Variants in CCDC141 observed in about 807,000 individuals in gnomAD.
CCDC141 encodes coiled-coil domain containing 141, also known as coiled-coil domain-containing protein 141.
A neutral mutation model predicts 181.0 loss-of-function variants in CCDC141; 168 were observed. The ratio of observed to expected loss-of-function variants is 0.93; its 90% CI spans 0.82 to 1.05. CCDC141 has a LOEUF of 1.05. Among genes scored for constraint, CCDC141 ranks in the 50% least tolerant of loss-of-function variants. CCDC141 has a pLI of 0.00. For missense variants in CCDC141, 1,902 were observed against 1,788.5 expected, an observed-to-expected ratio of 1.06 and a Z score of -1.14; for synonymous variants, 666 against 642.3, an observed-to-expected ratio of 1.04 and a Z score of -0.56.
At chr2:178,827,795 T>C (rs781136692), downstream of CCDC141, among the ~76,000 whole-genome samples, 1 of 152,118 alleles carries the variant, frequency 6.6e-6, no homozygotes, top group Non-Finnish European at 1.5e-5. Context: ...AGGGCTGCCA[T>C]AACAAAGCAC....
At chr2:178,910,645 A>G (rs896851770) in intron 7 of CCDC141, among the ~76,000 whole-genome samples, 2 of 152,188 alleles carry the variant, frequency 1.3e-5, no homozygotes, top group African/African-American at 4.8e-5. Flanking sequence ...CATCTGCCCA[A>G]GCTTTCAAAT....
intron 2 of CCDC141, among the ~76,000 whole-genome samples, chr2:178,989,780 A>G (rs1383635084): frequency 2.0e-5 from 3 of 149,524 alleles, no homozygotes; most frequent in Non-Finnish European, 4.4e-5. Flanking sequence ...AATGCAAATC[A>G]AAAGTACAAT....
chr2:179,020,353 G>A (rs2042659893), intron 2 of CCDC141, among the ~76,000 whole-genome samples: 1 of 152,124 alleles, frequency 6.6e-6, no homozygotes, highest in African/African-American at 2.4e-5. Context: ...CCCACGCAGG[G>A]GAACTAAGGA....
chr2:178,894,892 G>C (rs1221475819), intron 8 of CCDC141, among the ~76,000 whole-genome samples: 3 of 152,136 alleles, frequency 2.0e-5, no homozygotes, highest in Non-Finnish European at 2.9e-5. Context: ...ATAATACTGA[G>C]ATTAAAAGGG....
intron 2 of CCDC141, among the ~76,000 whole-genome samples, chr2:178,986,099 C>T (rs1691719257): frequency 6.6e-6 from 1 of 152,200 alleles, no homozygotes; most frequent in African/African-American, 2.4e-5. Context: ...TCCAGCAGCA[C>T]ATCAAAAGCT....
At chr2:178,844,814 G>A (rs946737970) in intron 22 of CCDC141, among the ~76,000 whole-genome samples, 4 of 152,154 alleles carry the variant, frequency 2.6e-5, no homozygotes, top group Admixed American at 6.6e-5. Context: ...ATTTGAGCAC[G>A]GTTCAGAATA....
At position 178,859,017 on chromosome 2, in the gene CCDC141, G is replaced by A. The variant is rs150090009; in HGVS notation, c.2725-2620C>T. Among the ~76,000 whole-genome samples the A allele has an allele frequency of 5.8e-4, 88 of 152,278 alleles. 1 individual carries two copies. Among genetic ancestry groups the A allele is most frequent in the Admixed American group, 1.0e-3 (16 of 15,296 alleles). ...GATGAGTGTGATTTGATTTCTGTTT[G>A]CTTCAGAACGTGTGCACTTCCACTG... On this transcript the variant is annotated intron_variant, in intron 17 of 23. Transcript: ENST00000443758.
At chr2:179,032,152 G>A (rs1433485342) in intron 2 of CCDC141, among the ~76,000 whole-genome samples, 2 of 151,984 alleles carry the variant, frequency 1.3e-5, no homozygotes, top group African/African-American at 4.8e-5. Flanking sequence ...ATTAAAGCAG[G>A]GGCTTTAGGT....
intron 2 of CCDC141, among the ~76,000 whole-genome samples, chr2:179,019,848 C>T (rs2042644676): frequency 6.6e-6 from 1 of 152,000 alleles, no homozygotes; most frequent in African/African-American, 2.4e-5. Context: ...CTCACTGCAG[C>T]CTCAACCTCC....
intron 2 of CCDC141, among the ~76,000 whole-genome samples, chr2:179,013,212 A>G (rs1177180494): frequency 6.6e-6 from 1 of 152,124 alleles, no homozygotes; most frequent in Non-Finnish European, 1.5e-5. Flanking sequence ...TTTACCTTGA[A>G]AATCCTAGGG....
chr2:178,838,657 G>C (rs568986256), intron 22 of CCDC141, among the ~76,000 whole-genome samples: 2 of 152,314 alleles, frequency 1.3e-5, no homozygotes, highest in Admixed American at 1.3e-4. Context: ...TTGAGGAGAT[G>C]ATATCCTAGT....
chr2:178,922,000 G>A (rs1185945755), intron 6 of CCDC141, among the ~76,000 whole-genome samples: 1 of 152,142 alleles, frequency 6.6e-6, no homozygotes, highest in Admixed American at 6.5e-5. Flanking sequence ...TGTGCGATTA[G>A]GGGAGACTAC....
intron 17 of CCDC141, among the ~76,000 whole-genome samples, chr2:178,865,095 T>C (rs563104953): frequency 6.6e-6 from 1 of 152,230 alleles, no homozygotes; most frequent in Admixed American, 6.5e-5. Context: ...ATCTAGGTGT[T>C]GTGGATTTGT....
At chr2:178,999,386 G>A (rs556794436) in intron 2 of CCDC141, among the ~76,000 whole-genome samples, 10 of 151,954 alleles carry the variant, frequency 6.6e-5, no homozygotes, top group Middle Eastern at 3.4e-3. Context: ...CCTCAGTTTC[G>A]TCTTTCAACG....
At chr2:178,958,328 C>T (rs1690246054) in intron 5 of CCDC141, among the ~76,000 whole-genome samples, 1 of 151,940 alleles carries the variant, frequency 6.6e-6, no homozygotes, top group South Asian at 2.1e-4. Flanking sequence ...AATGATGTGT[C>T]ACTGTAGGTC....
chr2:179,044,720 A>C (rs2043429514), intron 2 of CCDC141, among the ~76,000 whole-genome samples: 1 of 152,202 alleles, frequency 6.6e-6, no homozygotes, highest in Non-Finnish European at 1.5e-5. Context: ...TGGCAGGTGC[A>C]TACAAAGGAG....
At chr2:178,892,168 G>T (rs1292718801) in intron 8 of CCDC141, among the ~76,000 whole-genome samples, 1 of 152,068 alleles carries the variant, frequency 6.6e-6, no homozygotes, top group Non-Finnish European at 1.5e-5. Flanking sequence ...TTCTTCTTTG[G>T]TATGCTTTAG....
intron 2 of CCDC141, among the ~76,000 whole-genome samples, chr2:178,990,634 G>A (rs1692010304): frequency 1.3e-5 from 2 of 151,172 alleles, no homozygotes; most frequent in African/African-American, 2.4e-5. Context: ...GGAATGGAAG[G>A]GAAGTGAGAC....
At chr2:178,926,452 A>G (rs1688911480) in intron 6 of CCDC141, 1 of 152,214 alleles carries the variant, frequency 6.6e-6, no homozygotes, top group Admixed American at 6.5e-5. Flanking sequence ...TACTTCATTC[A>G]CTCAATAAGT....
Sources: gnomAD v4.1 joint callset for allele counts (sites outside exome capture counted in the v4.1 genomes callset) on GRCh38, gnomAD v4.1.1 for gene constraint, MANE v1.5 for transcripts, NCBI Gene and HGNC (gene_info 2026-07-23, HGNC 2026-07-21) for gene names.